SAMTOR: variants seen among roughly 807,000 people sequenced by gnomAD.
The protein encoded by SAMTOR is UPF0532 protein C7orf60.
chr7:112,902,535 A>G, the SAMTOR span, among the ~76,000 whole-genome samples: 2 of 151,344 alleles, frequency 1.3e-5, no homozygotes, highest in East Asian at 1.9e-4. Context: ...ACTATTCTGT[A>G]TAATACTATA....
chr7:112,936,677 C>T, the SAMTOR span, among the ~76,000 whole-genome samples: 1 of 152,112 alleles, frequency 6.6e-6, no homozygotes, highest in Non-Finnish European at 1.5e-5. Flanking sequence ...CTCTGTTCTC[C>T]AACCTCCCAG....
the SAMTOR span, among the ~76,000 whole-genome samples, chr7:112,856,640 C>A: frequency 6.6e-6 from 1 of 152,146 alleles, no homozygotes; most frequent in Non-Finnish European, 1.5e-5. Flanking sequence ...TCAAAATTAA[C>A]AACTTTTGCA....
At chr7:112,859,246 G>A in the SAMTOR span, among the ~76,000 whole-genome samples, 3 of 152,078 alleles carry the variant, frequency 2.0e-5, no homozygotes, top group African/African-American at 7.2e-5. Flanking sequence ...ATACAGTTAT[G>A]AGCCACATAA....
chr7:112,928,188 A>G, the SAMTOR span, among the ~76,000 whole-genome samples: 2 of 152,050 alleles, frequency 1.3e-5, no homozygotes, highest in African/African-American at 4.8e-5. Flanking sequence ...TTTGCTCTAC[A>G]TAACATCCAG....
the SAMTOR span, among the ~76,000 whole-genome samples, chr7:112,887,036 T>C: frequency 6.6e-6 from 1 of 151,874 alleles, no homozygotes; most frequent in East Asian, 1.9e-4. Flanking sequence ...CATGGTGGCA[T>C]GCACCTGTAA....
the SAMTOR span, among the ~76,000 whole-genome samples, chr7:112,922,562 C>G: frequency 6.6e-6 from 1 of 151,818 alleles, no homozygotes. Context: ...AGTGTCTCTA[C>G]CCAGCCGCCC....
chr7:112,888,741 C>T, the SAMTOR span, among the ~76,000 whole-genome samples: 25 of 152,010 alleles, frequency 1.6e-4, no homozygotes, highest in Admixed American at 9.8e-4. Context: ...TCTTGATATC[C>T]GAACTTGCTA....
chr7:112,891,939 A>AG, the SAMTOR span, among the ~76,000 whole-genome samples: 9 of 152,322 alleles, frequency 5.9e-5, no homozygotes, highest in Non-Finnish European at 1.0e-4. Flanking sequence ...TGCCACATAC[A>AG]TTGGCTGTAC....
At chr7:112,833,655 CT>C in the SAMTOR span, among the ~76,000 whole-genome samples, 1 of 152,096 alleles carries the variant, frequency 6.6e-6, no homozygotes, top group Non-Finnish European at 1.5e-5. Flanking sequence ...AAATATACTT[CT>C]TATAAATTGA....
At chr7:112,850,302 G>A in the SAMTOR span, among the ~76,000 whole-genome samples, 235 of 152,290 alleles carry the variant, frequency 1.5e-3, 1 homozygote, top group Non-Finnish European at 1.2e-3. Context: ...GATTTGGTGT[G>A]CTAGTATTTT....
chr7:112,933,028 G>C, the SAMTOR span, among the ~76,000 whole-genome samples: 1 of 152,134 alleles, frequency 6.6e-6, no homozygotes, highest in East Asian at 1.9e-4. Context: ...AATTGGTGGG[G>C]GAAGGAAGAG....
chr7:112,904,413 A>T, the SAMTOR span, among the ~76,000 whole-genome samples: 1 of 152,142 alleles, frequency 6.6e-6, no homozygotes, highest in Non-Finnish European at 1.5e-5. Context: ...GCTATTTTTT[A>T]AAAAAGTAAA....
the SAMTOR span, among the ~76,000 whole-genome samples, chr7:112,871,629 G>C: frequency 3.3e-5 from 5 of 152,140 alleles, no homozygotes; most frequent in South Asian, 1.0e-3. Flanking sequence ...CAAACTGATT[G>C]CAATGCTAGC....
chr7:112,821,678 G>A, the SAMTOR span: 2 of 1,430,956 alleles, frequency 1.4e-6, no homozygotes, highest in East Asian at 2.3e-5. Flanking sequence ...GTTCATGTTA[G>A]TATTTCCAAT....
chr7:112,880,438 T>C, the SAMTOR span, among the ~76,000 whole-genome samples: 1,107 of 152,260 alleles, frequency 7.3e-3, 45 homozygotes, highest in East Asian at 0.072. Context: ...ATTAGGTAAG[T>C]AACTGTAAAG....
the SAMTOR span, among the ~76,000 whole-genome samples, chr7:112,905,423 T>C: frequency 1.2e-4 from 18 of 152,212 alleles, no homozygotes; most frequent in African/African-American, 3.6e-4. Flanking sequence ...TTCCAAACCA[T>C]AGAAACAAAA....
At chr7:112,923,499 A>AATAC in the SAMTOR span, among the ~76,000 whole-genome samples, 4 of 152,246 alleles carry the variant, frequency 2.6e-5, no homozygotes, top group Admixed American at 2.0e-4. Flanking sequence ...TAAATAAATA[A>AATAC]ATACTCAAAA....
the SAMTOR span, among the ~76,000 whole-genome samples, chr7:112,834,233 T>C: frequency 6.6e-6 from 1 of 152,192 alleles, no homozygotes. Context: ...TTCATGAACA[T>C]GAATAGTTAT....
chr7:112,917,216 C>G, the SAMTOR span, among the ~76,000 whole-genome samples: 2 of 152,210 alleles, frequency 1.3e-5, no homozygotes, highest in African/African-American at 4.8e-5. Context: ...TAGGGGCAGA[C>G]TGACACCTCA....
Sources: gnomAD v4.1 joint callset for allele counts (sites outside exome capture counted in the v4.1 genomes callset) on GRCh38, gnomAD v4.1.1 for gene constraint, MANE v1.5 for transcripts, NCBI Gene and HGNC (gene_info 2026-07-23, HGNC 2026-07-21) for gene names.